Variants in VRK2 observed in about 807,000 individuals in gnomAD.
VRK2 encodes the protein VRK serine/threonine kinase 2.
A neutral mutation model predicts 57.6 loss-of-function variants in VRK2; 60 were observed. The ratio of observed to expected loss-of-function variants is 1.04; its 90% CI spans 0.85 to 1.29. The LOEUF (loss-of-function observed/expected upper bound fraction) is 1.29, where lower values mean the gene tolerates loss of function less well. Ranked by LOEUF, VRK2 falls within the 50% of genes most tolerant of loss-of-function variation. The pLI, the probability that VRK2 is intolerant of heterozygous loss-of-function variation, is 0.00. For missense variants in VRK2, 705 were observed against 588.1 expected (o/e 1.20, Z -2.06); for synonymous variants, 231 against 199.2 (o/e 1.16, Z -1.35).
chr2:57,960,825 C>A (rs1423341432), intron 1 of VRK2, among the ~76,000 whole-genome samples: 4 of 152,226 alleles, frequency 2.6e-5, no homozygotes, highest in Non-Finnish European at 5.9e-5. Context: ...TAATTTATAA[C>A]AAGTGTAACA....
At chr2:57,933,238 C>G (rs549935459) in intron 1 of VRK2, among the ~76,000 whole-genome samples, 1 of 150,248 alleles carries the variant, frequency 6.7e-6, no homozygotes, top group East Asian at 2.0e-4. Context: ...TCTATATGAT[C>G]CATTTATTGT....
chr2:58,151,397 C>G (rs761665716), intron 12 of VRK2, among the ~76,000 whole-genome samples: 2 of 151,774 alleles, frequency 1.3e-5, no homozygotes, highest in African/African-American at 2.4e-5. Context: ...CAATTCCAGC[C>G]TTCCTATGAT....
intron 1 of VRK2, among the ~76,000 whole-genome samples, chr2:57,981,243 T>C (rs1298592889): frequency 6.6e-6 from 1 of 152,190 alleles, no homozygotes; most frequent in East Asian, 1.9e-4. Flanking sequence ...TGGTAATGAA[T>C]TCCTTAGTAT....
At chr2:58,053,383 A>G (rs1035485966) in intron 2 of VRK2, among the ~76,000 whole-genome samples, 9 of 152,248 alleles carry the variant, frequency 5.9e-5, no homozygotes, top group African/African-American at 2.2e-4. Flanking sequence ...AAATTTCATC[A>G]AAGTGACTGC....
intron 1 of VRK2, among the ~76,000 whole-genome samples, chr2:57,932,494 G>A (rs1572876057): frequency 1.3e-5 from 2 of 152,042 alleles, no homozygotes; most frequent in Admixed American, 6.6e-5. Context: ...ATATAATCAT[G>A]CGAAGGAGTT....
At chr2:58,058,669 CTTTTT>C (rs948090961) in intron 2 of VRK2, among the ~76,000 whole-genome samples, 1 of 150,716 alleles carries the variant, frequency 6.6e-6, no homozygotes. Context: ...TTTTTGAATT[CTTTTT>C]TTTTAGGAAA....
intron 7 of VRK2, among the ~76,000 whole-genome samples, chr2:58,116,120 G>A (rs1320976575): frequency 1.3e-5 from 2 of 152,194 alleles, no homozygotes; most frequent in African/African-American, 2.4e-5. Flanking sequence ...GCAGGCGAGT[G>A]ATAACAGGCT....
intron 10 of VRK2, among the ~76,000 whole-genome samples, chr2:58,137,077 A>AT (rs1491166498): frequency 1.8e-5 from 2 of 110,730 alleles, no homozygotes; most frequent in African/African-American, 7.5e-5. Context: ...TATCATATAT[A>AT]ACATATATAT....
chr2:58,080,858 G>A (rs1670762711), intron 2 of VRK2, among the ~76,000 whole-genome samples: 1 of 151,784 alleles, frequency 6.6e-6, no homozygotes, highest in African/African-American at 2.4e-5. Flanking sequence ...ACTGACATAT[G>A]TAATCAAATC....
intron 1 of VRK2, among the ~76,000 whole-genome samples, chr2:57,944,320 G>T (rs550090338): frequency 1.4e-4 from 21 of 152,264 alleles, no homozygotes; most frequent in Middle Eastern, 6.8e-3. Context: ...GTGTGTGAGG[G>T]TTGTACATTG....
rs1000831597 is a variant in VRK2, at chr2:58,095,151, G to A, written c.543+5428G>A. ...TCTACTAAAAATACAAAAATTATCC[G>A]GGCGTGGTGGCAGGTGCCTGTAGTC... On this transcript the variant is annotated intron_variant, in intron 7 of 12. Transcript: ENST00000340157. Among the ~76,000 whole-genome samples the A allele has an allele frequency of 7.9e-5, 12 of 152,130 alleles. No homozygotes were observed. The South Asian group carries it at 8.3e-4, about 11-fold the overall frequency.
At chr2:57,970,844 A>G (rs1319810865) in intron 1 of VRK2, among the ~76,000 whole-genome samples, 1 of 152,000 alleles carries the variant, frequency 6.6e-6, no homozygotes, top group Non-Finnish European at 1.5e-5. Flanking sequence ...ATTACATTAA[A>G]ACCAGTCTCA....
intron 3 of VRK2, among the ~76,000 whole-genome samples, chr2:58,036,144 TG>T (rs1380086229): frequency 1.3e-5 from 2 of 152,010 alleles, no homozygotes; most frequent in Non-Finnish European, 2.9e-5. Flanking sequence ...AATTGCTTAT[TG>T]AAGTGGTCCC....
At chr2:57,925,063 C>G (rs1211054500) in intron 1 of VRK2, among the ~76,000 whole-genome samples, 22 of 151,958 alleles carry the variant, frequency 1.4e-4, no homozygotes, top group Admixed American at 1.4e-3. Flanking sequence ...ATCAATTCCA[C>G]TTGGTGATGA....
At chr2:57,991,773 C>A (rs1572751123) in intron 1 of VRK2, among the ~76,000 whole-genome samples, 1 of 149,944 alleles carries the variant, frequency 6.7e-6, no homozygotes, top group South Asian at 2.1e-4. Flanking sequence ...TGGTGAAACC[C>A]CGTCTCTACT....
At chr2:58,119,197 T>A (rs1677020882) in intron 7 of VRK2, among the ~76,000 whole-genome samples, 4 of 151,994 alleles carry the variant, frequency 2.6e-5, no homozygotes, top group African/African-American at 9.7e-5. Context: ...CCTTTCAGTT[T>A]CCTTTAATTT....
At chr2:58,115,304 G>C (rs1676262943) in intron 7 of VRK2, among the ~76,000 whole-genome samples, 2 of 152,150 alleles carry the variant, frequency 1.3e-5, no homozygotes, top group Non-Finnish European at 2.9e-5. Flanking sequence ...TGGGAGGCCA[G>C]ATTGAAGTCC....
At position 58,089,678 on chromosome 2, in the gene VRK2, T is replaced by C; in HGVS notation, c.498T>C (p.Asp166=). Reference sequence around the variant, plus strand: ...ATGAAAATGAATATGTTCATGGTGATATAAAAGCAGCAAATCTACTTTTGG... The same window carrying C: ...ATGAAAATGAATATGTTCATGGTGACATAAAAGCAGCAAATCTACTTTTGG... The part of the protein sequence containing the change: ...YIHENEYVHG[D]IKAANLLLGY... The change falls in exon 7 of 13, where the codon GAT becomes GAC. Residue 166 remains aspartate (D), a synonymous_variant. Coordinates refer to ENST00000340157, the MANE Select transcript of VRK2 (RefSeq NM_006296.7). 1.2e-6 allele frequency: 2 copies of C among 1,609,554 alleles called. No homozygotes were observed. The highest frequency in any genetic ancestry group is 1.7e-6 in the Non-Finnish European group (2 of 1,177,184).
intron 7 of VRK2, among the ~76,000 whole-genome samples, chr2:58,122,091 G>A (rs769985333): frequency 7.2e-5 from 11 of 152,072 alleles, no homozygotes; most frequent in Non-Finnish European, 1.2e-4. Context: ...GTGATAATAT[G>A]GATTCATATG....
Sources: allele counts gnomAD v4.1 joint callset (sites outside exome capture counted in the v4.1 genomes callset), GRCh38; gene constraint gnomAD v4.1.1; transcripts MANE v1.5; gene names NCBI Gene and HGNC (gene_info 2026-07-23, HGNC 2026-07-21).